Variants in RASEF observed in about 807,000 individuals in gnomAD.
RASEF encodes ras and EF-hand domain-containing protein.
RASEF carries 68 observed loss-of-function variants against 90.1 expected under a neutral mutation model. That is an observed-to-expected ratio of 0.75 (90% CI 0.62 to 0.92). The LOEUF is 0.92. RASEF is among the 40% of genes least tolerant of loss of function. The probability of loss-of-function intolerance (pLI) is 0.00; values close to 1 mark genes in which losing one functional copy is unlikely to be tolerated. For missense variants in RASEF, 949 were observed against 937.2 expected, an observed-to-expected ratio of 1.01 and a Z score of -0.16; for synonymous variants, 331 against 345.2, an observed-to-expected ratio of 0.96 and a Z score of 0.46.
chr9:83,212,457 GA>G, the RASEF span, among the ~76,000 whole-genome samples: 1 of 151,970 alleles, frequency 6.6e-6, no homozygotes, highest in South Asian at 2.1e-4. Context: ...AAGCCAAACA[GA>G]AAAAAGAAAA....
At chr9:83,191,677 C>A in the RASEF span, among the ~76,000 whole-genome samples, 2 of 152,160 alleles carry the variant, frequency 1.3e-5, no homozygotes, top group Non-Finnish European at 2.9e-5. Flanking sequence ...AAGCCTTTAC[C>A]TTGACCATTT....
At chr9:83,177,330 T>C in the RASEF span, among the ~76,000 whole-genome samples, 1 of 152,220 alleles carries the variant, frequency 6.6e-6, no homozygotes, top group Non-Finnish European at 1.5e-5. Flanking sequence ...TAAAACTATC[T>C]AGAGTCACTT....
intron 1 of RASEF, among the ~76,000 whole-genome samples, chr9:83,027,370 G>A (rs991323418): frequency 3.3e-5 from 5 of 152,072 alleles, no homozygotes; most frequent in East Asian, 1.9e-4. Context: ...TTCTAATCAC[G>A]TCAGTCTTTC....
the RASEF span, among the ~76,000 whole-genome samples, chr9:83,200,006 A>G: frequency 5.3e-5 from 8 of 152,192 alleles, no homozygotes; most frequent in Admixed American, 5.2e-4. Context: ...ATGCTTAAGT[A>G]AGAAAGTGGT....
rs1203008341 is a variant in RASEF at position 83,062,919 on chromosome 9, G to A, written c.-52C>T. On this transcript the variant is annotated 5_prime_UTR_variant, in exon 1 of 17. Transcript: ENST00000376447. ...GCTCCGGAGCGCCGCGGGGCGCAGG[G>A]CCCTCCCTGGAAGGACGGGGCCACC... 1.4e-6 allele frequency: 2 copies of A among 1,381,710 alleles called. No individual in the cohort carries two copies. Among genetic ancestry groups the A allele is most frequent in the East Asian group, 3.0e-5 (1 of 33,464 alleles). The allele number at this position is 1,381,710 out of a possible 1,614,324, so 85.6% of individuals were successfully genotyped here. A position where few individuals can be genotyped will look rare whatever the true frequency, so the allele number is the denominator to read the frequency against.
At chr9:83,123,266 G>C in the RASEF span, among the ~76,000 whole-genome samples, 10 of 141,626 alleles carry the variant, frequency 7.1e-5, no homozygotes, top group African/African-American at 2.6e-4. Flanking sequence ...AAGCAGCCAA[G>C]AGACCATAAC....
the RASEF span, among the ~76,000 whole-genome samples, chr9:83,209,433 A>AT: frequency 6.6e-6 from 1 of 152,320 alleles, no homozygotes; most frequent in South Asian, 2.1e-4. Context: ...AAAAAGAGAC[A>AT]TTTTTTAAAT....
chr9:83,011,983 C>A (rs1284831796), intron 5 of RASEF, among the ~76,000 whole-genome samples: 1 of 151,626 alleles, frequency 6.6e-6, no homozygotes, highest in Non-Finnish European at 1.5e-5. Context: ...AATCTAAAAC[C>A]AAACTAAATA....
At chr9:82,987,053 T>C (rs1828722681) in intron 16 of RASEF, among the ~76,000 whole-genome samples, 1 of 152,204 alleles carries the variant, frequency 6.6e-6, no homozygotes, top group Non-Finnish European at 1.5e-5. Flanking sequence ...CTCCTAGTTT[T>C]ATGACATTAT....
At chr9:83,155,420 C>T in the RASEF span, among the ~76,000 whole-genome samples, 12 of 152,174 alleles carry the variant, frequency 7.9e-5, no homozygotes, top group Non-Finnish European at 1.5e-4. Flanking sequence ...CCTTACATGG[C>T]AGCAGACAAG....
Position 83,022,421 on chromosome 9 carries a change from TG to T in RASEF, c.583del (p.Gln195ArgfsTer8). 6.2e-7 allele frequency: 1 copy of T among 1,613,500 alleles called. No individual in the cohort carries two copies. The highest frequency in any genetic ancestry group is 1.1e-5 in the South Asian group (1 of 91,064). Reference sequence around the variant, plus strand: ...ACTCAACTGCATAGCTGCCTTGTCCTGGGCTCTGAAATTCAAAAGGATGCAC... The same window carrying T: ...ACTCAACTGCATAGCTGCCTTGTCCTGGCTCTGAAATTCAAAAGGATGCAC... ...ENLAIAVKRA[Q>X]DKAAMQLSEL... On this transcript the variant is annotated frameshift_variant, in exon 3 of 17. Coordinates refer to ENST00000376447, the MANE Select transcript of RASEF (RefSeq NM_152573.4). LOFTEE classifies it high-confidence loss of function.
chr9:82,993,132 T>G, intron 14 of RASEF, 107 bp from the exon 15 acceptor site: 2 of 1,128,738 alleles, frequency 1.8e-6, no homozygotes, highest in South Asian at 3.1e-5. Flanking sequence ...GCCTCCTTTG[T>G]GCCAAATCCT....
upstream of RASEF, among the ~76,000 whole-genome samples, chr9:83,066,820 G>A (rs1288470802): frequency 6.6e-6 from 1 of 152,176 alleles, no homozygotes; most frequent in Admixed American, 6.5e-5. Flanking sequence ...CTGTTTGATC[G>A]AATATTTCCT....
At chr9:83,055,297 G>T (rs1413576779) in intron 1 of RASEF, 3 of 361,712 alleles carry the variant, frequency 8.3e-6, no homozygotes, top group Admixed American at 4.1e-5. Flanking sequence ...GGGTGGGAGT[G>T]ACCCGATTTT....
intron 1 of RASEF, chr9:83,048,479 G>C: frequency 5.1e-6 from 5 of 985,080 alleles, no homozygotes; most frequent in Middle Eastern, 5.2e-4. Flanking sequence ...TTTGGCAGGA[G>C]ACTATTTCTA....
the RASEF span, among the ~76,000 whole-genome samples, chr9:83,156,072 C>A: frequency 6.6e-6 from 1 of 152,154 alleles, no homozygotes; most frequent in Non-Finnish European, 1.5e-5. Context: ...AAACTTATGG[C>A]CCATGCATCA....
chr9:83,097,645 G>GA, the RASEF span, among the ~76,000 whole-genome samples: 1 of 152,148 alleles, frequency 6.6e-6, no homozygotes, highest in African/African-American at 2.4e-5. Context: ...AAAGACACAT[G>GA]AAAAAATGCT....
chr9:83,131,345 G>A, the RASEF span, among the ~76,000 whole-genome samples: 263 of 152,318 alleles, frequency 1.7e-3, 4 homozygotes, highest in African/African-American at 5.7e-3. Flanking sequence ...GAGAAGAGGA[G>A]GGGTATTGTT....
intron 1 of RASEF, 99 bp downstream of exon 1, chr9:83,062,338 T>TG (rs1564092602): frequency 1.6e-5 from 12 of 748,390 alleles, no homozygotes; most frequent in South Asian, 5.1e-5. Flanking sequence ...CAGAGAAGAC[T>TG]AGGGGGGGGG....
Sources: allele counts gnomAD v4.1 joint callset (sites outside exome capture counted in the v4.1 genomes callset), GRCh38; gene constraint gnomAD v4.1.1; transcripts MANE v1.5; gene names NCBI Gene and HGNC (gene_info 2026-07-23, HGNC 2026-07-21).